The following TFG variants were observed in gnomAD, a reference collection of about 807,000 sequenced individuals.
The protein encoded by TFG is protein TFG.
A neutral mutation model predicts 51.4 loss-of-function variants in TFG; 22 were observed. The observed-to-expected ratio is 0.43, with a 90% confidence interval of 0.31 to 0.61. The LOEUF (loss-of-function observed/expected upper bound fraction) is 0.61. Among genes scored for constraint, TFG ranks in the 20% least tolerant of loss-of-function variants. TFG has a pLI of 0.12. For missense variants in TFG, 419 were observed against 487.7 expected (o/e 0.86, Z 1.33); for synonymous variants, 187 against 165.6 (o/e 1.13, Z -0.99).
At chr3:100,710,233 C>T (rs1184279015) in intron 1 of TFG, 1 of 152,178 alleles carries the variant, frequency 6.6e-6, no homozygotes. Context: ...CGGCTGGAGG[C>T]CCAGCCTGGT....
intron 2 of TFG, 114 bp downstream of exon 2, chr3:100,713,983 C>A: frequency 1.7e-6 from 1 of 571,536 alleles, no homozygotes; most frequent in Non-Finnish European, 2.7e-6. Context: ...TCAGTGTCAC[C>A]TCAAACTCCT....
chr3:100,720,025 C>A lies in TFG; in HGVS notation c.235C>A (p.Gln79Lys). ...TAGTTCTGACCTTTCCTTTGCAATT[C>A]AGTGCAGTAGGATACTGAAACTGAC... is the stretch of plus-strand genomic sequence containing the variant. ...FDSSDLSFAIQCSRILKLTLF... is the reference protein window; with the variant it reads ...FDSSDLSFAIKCSRILKLTLF... Residue 79 changes from glutamine to lysine, a missense_variant, in exon 3 of 8, where the codon CAG (glutamine) becomes AAG (lysine). Physicochemically the swap from Gln to Lys is moderately conservative, Grantham distance 53 (BLOSUM62 1). Around this residue, in one of 3 missense-constraint regions of TFG, gnomAD observed 391 missense variants for 434.4 expected, o/e 0.90. Transcript: ENST00000240851. The A allele has an allele frequency of 6.3e-7, 1 of 1,579,044 alleles. No homozygotes were observed. The highest frequency in any genetic ancestry group is 8.6e-7 in the Non-Finnish European group (1 of 1,164,800).
intron 6 of TFG, among the ~76,000 whole-genome samples, chr3:100,741,184 C>T (rs564751750): frequency 2.6e-5 from 4 of 152,002 alleles, no homozygotes; most frequent in Non-Finnish European, 5.9e-5. Context: ...AAAAACAAAG[C>T]TGTAGAACCA....
At chr3:100,728,643 T>A (rs2095082598) in intron 3 of TFG, 69 bp from the exon 4 acceptor site, 1 of 1,228,800 alleles carries the variant, frequency 8.1e-7, no homozygotes, top group African/African-American at 1.6e-5. Context: ...TTATTTTTCC[T>A]TGTTGCATAT....
intron 6 of TFG, among the ~76,000 whole-genome samples, chr3:100,741,474 T>C (rs1263388393): frequency 6.6e-6 from 1 of 152,168 alleles, no homozygotes; most frequent in East Asian, 1.9e-4. Flanking sequence ...TATTTTTGTA[T>C]AGTAGCACAA....
intron 7 of TFG, among the ~76,000 whole-genome samples, chr3:100,745,880 G>A (rs2095133438): frequency 6.6e-6 from 1 of 152,160 alleles, no homozygotes. Context: ...GCAGAGTTGA[G>A]TAGTTGCAAC....
chr3:100,715,597 C>G (rs959302503), intron 2 of TFG, among the ~76,000 whole-genome samples: 3 of 152,174 alleles, frequency 2.0e-5, no homozygotes, highest in Non-Finnish European at 4.4e-5. Context: ...ATACCCAAAA[C>G]AAATTTTTGA....
intron 2 of TFG, among the ~76,000 whole-genome samples, chr3:100,716,873 C>T (rs1037472424): frequency 2.6e-5 from 4 of 151,920 alleles, no homozygotes; most frequent in Admixed American, 6.6e-5. Flanking sequence ...GATCATTTGC[C>T]GATTTTAAAA....
In TFG at chr3:100,748,594, C is replaced by CTATT; in HGVS notation, c.*65_*68dup. The CTATT allele has an allele frequency of 6.8e-7, 1 of 1,478,088 alleles. No homozygotes were observed. The highest frequency in any genetic ancestry group is 1.4e-5 in the African/African-American group (1 of 71,030). 91.6% of individuals were successfully genotyped at this position (1,478,088 alleles called of 1,614,324 possible). On this transcript the variant is annotated 3_prime_UTR_variant, in exon 8 of 8. Transcript: ENST00000240851. ...ATTGGCCTCCCAAAAGACTCCAGTA[C>CTATT]TATTTTAATTTGTATTGAAGAAGTT...
chr3:100,733,729 T>C (rs4928085), intron 5 of TFG, among the ~76,000 whole-genome samples: 38,810 of 152,038 alleles, frequency 0.26, 5,530 homozygotes, highest in East Asian at 0.51. Context: ...CTTGGACTTA[T>C]ATTCTTTTGA....
intron 4 of TFG, among the ~76,000 whole-genome samples, 190 bp downstream of exon 4, chr3:100,729,048 T>TGA (rs2095084139): frequency 6.6e-6 from 1 of 152,338 alleles, no homozygotes; most frequent in Admixed American, 6.5e-5. Flanking sequence ...GGAGGTTTCA[T>TGA]TATACCAATT....
At position 100,746,087 on chromosome 3, in the gene TFG, A is replaced by AAT. The variant is rs2149098050; in HGVS notation, c.820+1156_820+1157insAT. Among the ~76,000 whole-genome samples, 2 of 152,356 alleles carry AAT rather than the reference A, an allele frequency of 1.3e-5. 1 individual carries two copies. Among genetic ancestry groups the AAT allele is most frequent in the African/African-American group, 4.8e-5 (2 of 41,574 alleles). ...ACTTGTTTTTAATTGTATAAAATACATAGAACTTAAGTTTGGATTATATCA... is the reference window on the plus strand; with the variant it reads ...ACTTGTTTTTAATTGTATAAAATACAATTAGAACTTAAGTTTGGATTATATCA... On this transcript the variant is annotated intron_variant, in intron 7 of 7. Coordinates refer to ENST00000240851, the MANE Select transcript of TFG (RefSeq NM_006070.6).
chr3:100,711,283 A>G (rs1285808962), intron 1 of TFG, among the ~76,000 whole-genome samples: 1 of 152,026 alleles, frequency 6.6e-6, no homozygotes, highest in Non-Finnish European at 1.5e-5. Flanking sequence ...TTGTATTTTT[A>G]GTAGAGACAG....
At position 100,732,645 on chromosome 3, in the gene TFG, T is replaced by A. The variant is rs974410355; in HGVS notation, c.553T>A (p.Phe185Ile). ...DEINKNVMSA[F>I]GLTDDQVSGP... Reference sequence around the variant, plus strand: ...AATCAATAAAAATGTTATGTCAGCGTTTGGCTTAACAGATGATCAGGTTTC... The same window carrying A: ...AATCAATAAAAATGTTATGTCAGCGATTGGCTTAACAGATGATCAGGTTTC... The change falls in exon 5 of 8, where the codon TTT becomes ATT. Residue 185 changes from phenylalanine to isoleucine, a missense_variant. Around this residue, in one of 3 missense-constraint regions of TFG, gnomAD observed 391 missense variants for 434.4 expected, o/e 0.90. Coordinates refer to ENST00000240851, the MANE Select transcript of TFG (RefSeq NM_006070.6). The A allele has an allele frequency of 2.5e-6, 4 of 1,611,684 alleles. No individual in the cohort carries two copies. The highest frequency in any genetic ancestry group is 3.4e-6 in the Non-Finnish European group (4 of 1,178,998).
intron 3 of TFG, among the ~76,000 whole-genome samples, chr3:100,727,502 A>G (rs2095079330): frequency 6.6e-6 from 1 of 152,222 alleles, no homozygotes. Context: ...GTATGTATGT[A>G]TACTGGCAAT....
intron 2 of TFG, among the ~76,000 whole-genome samples, chr3:100,719,131 T>A (rs1222419437): frequency 6.6e-6 from 1 of 152,248 alleles, no homozygotes; most frequent in Non-Finnish European, 1.5e-5. Context: ...AGTTTTGTCA[T>A]CTTTGCCCAA....
chr3:100,711,752 A>G (rs944546100), intron 1 of TFG, among the ~76,000 whole-genome samples: 7 of 152,226 alleles, frequency 4.6e-5, no homozygotes, highest in African/African-American at 1.4e-4. Flanking sequence ...GGAGAAGGTA[A>G]CAAATACATT....
In TFG at chr3:100,719,940, A is replaced by G. The variant is rs1503838; in HGVS notation, c.185-35A>G. 368,944 of 1,382,772 alleles carry G rather than the reference A, an allele frequency of 0.27. 53,322 individuals are homozygous for G. The highest frequency in any genetic ancestry group is 0.5 in the East Asian group (20,943 of 41,632). The allele number at this position is 1,382,772 out of a possible 1,614,324, so 85.7% of individuals were successfully genotyped here. On this transcript the variant is annotated intron_variant, in intron 2 of 7. Transcript: ENST00000240851. ...TTATACAAATCTGAAAATTTAAAAA[A>G]TTAAAAAACAACCTTTTTTTTTTTT...
At chr3:100,747,738 GTAT>G (rs1168995248) in intron 7 of TFG, among the ~76,000 whole-genome samples, 3 of 152,066 alleles carry the variant, frequency 2.0e-5, no homozygotes, top group Non-Finnish European at 2.9e-5. Context: ...TGTATTTATA[GTAT>G]TATTTCATAT....
Sources: gnomAD v4.1 joint callset for allele counts (sites outside exome capture counted in the v4.1 genomes callset) on GRCh38, gnomAD v4.1.1 for gene constraint, gnomAD v4.1.1 regional missense constraint, MANE v1.5 for transcripts, NCBI Gene and HGNC (gene_info 2026-07-23, HGNC 2026-07-21) for gene names.